RBM20: variants seen among roughly 807,000 people sequenced by gnomAD.
RBM20 encodes RNA-binding protein 20.
Under a neutral mutation model 110.1 loss-of-function variants are expected in RBM20, and 51 were observed. The ratio of observed to expected loss-of-function variants is 0.46; its 90% CI spans 0.37 to 0.59. RBM20 has a LOEUF of 0.59. Among genes scored for constraint, RBM20 ranks in the 20% least tolerant of loss-of-function variants. The pLI is 0.00. For synonymous variants in RBM20, 589 were observed against 618.2 expected (o/e 0.95, Z 0.70); for missense variants, 1,512 against 1,574.9 (o/e 0.96, Z 0.68).
intron 1 of RBM20, among the ~76,000 whole-genome samples, chr10:110,766,231 G>A (rs1442742381): frequency 6.6e-6 from 1 of 152,206 alleles, no homozygotes; most frequent in Non-Finnish European, 1.5e-5. Flanking sequence ...TATCTAGAAT[G>A]GCACATGCAA....
intron 9 of RBM20, among the ~76,000 whole-genome samples, chr10:110,817,475 G>A (rs537113021): frequency 2.0e-5 from 3 of 152,208 alleles, no homozygotes; most frequent in South Asian, 2.1e-4. Flanking sequence ...CTTGTTATTC[G>A]CCCCACCCCC....
chr10:110,716,866 G>A (rs1455165361), intron 1 of RBM20, among the ~76,000 whole-genome samples: 2 of 149,720 alleles, frequency 1.3e-5, no homozygotes, highest in Admixed American at 6.7e-5. Flanking sequence ...GCAGTGAGCC[G>A]AGATCGTGCC....
At chr10:110,825,384 A>G (rs1467923286) in intron 12 of RBM20, among the ~76,000 whole-genome samples, 3 of 152,212 alleles carry the variant, frequency 2.0e-5, no homozygotes, top group Admixed American at 6.5e-5. Context: ...GTGTTTTACT[A>G]CTGTTTTTCA....
chr10:110,686,247 T>C (rs749896812), intron 1 of RBM20, among the ~76,000 whole-genome samples: 3 of 152,160 alleles, frequency 2.0e-5, no homozygotes, highest in Non-Finnish European at 4.4e-5. Context: ...AGATCTTACT[T>C]TCCTTACTCT....
At chr10:110,661,938 G>C (rs138584975) in intron 1 of RBM20, among the ~76,000 whole-genome samples, 5 of 151,890 alleles carry the variant, frequency 3.3e-5, no homozygotes, top group Non-Finnish European at 7.4e-5. Flanking sequence ...TTGAACCCAG[G>C]AGGCGGAAGC....
At chr10:110,651,638 G>A (rs1036834808) in intron 1 of RBM20, among the ~76,000 whole-genome samples, 1 of 152,162 alleles carries the variant, frequency 6.6e-6, no homozygotes, top group Non-Finnish European at 1.5e-5. Flanking sequence ...GTAAACATAG[G>A]ACCCACAAAC....
chr10:110,647,243 C>T (rs1861882011), intron 1 of RBM20, among the ~76,000 whole-genome samples: 1 of 152,172 alleles, frequency 6.6e-6, no homozygotes, highest in Non-Finnish European at 1.5e-5. Flanking sequence ...AAGATAAACA[C>T]ATGAAGCGTG....
At chr10:110,701,166 G>A (rs989833690) in intron 1 of RBM20, among the ~76,000 whole-genome samples, 1 of 152,304 alleles carries the variant, frequency 6.6e-6, no homozygotes, top group African/African-American at 2.4e-5. Context: ...ATACCTGTGT[G>A]AGCCGGGGGT....
Position 110,790,778 on chromosome 10 carries a change from C to A in RBM20, c.1527+5889C>A, listed in dbSNP as rs151050164. ...TTGTGTAACTTCATTTTTGTATTTA[C>A]CTTAATTTATCAAGTCTGCGATTGA... On this transcript the variant is annotated intron_variant, in intron 5 of 13. Transcript: ENST00000369519. Among the ~76,000 whole-genome samples the A allele has an allele frequency of 6.1e-3, 935 of 152,114 alleles. 3 individuals are homozygous for A. Among genetic ancestry groups the A allele is most frequent in the Non-Finnish European group, 0.011 (723 of 68,004 alleles).
chr10:110,775,275 C>T (rs1463125264), intron 1 of RBM20, among the ~76,000 whole-genome samples: 2 of 152,242 alleles, frequency 1.3e-5, no homozygotes, highest in Non-Finnish European at 2.9e-5. Flanking sequence ...AGAAATGGCG[C>T]ATTCACCACT....
intron 1 of RBM20, among the ~76,000 whole-genome samples, chr10:110,705,109 G>T (rs1547785): frequency 8.0e-4 from 122 of 152,310 alleles, no homozygotes; most frequent in African/African-American, 2.9e-3. Flanking sequence ...CCAAGTCACA[G>T]AGTGGTTTTC....
intron 1 of RBM20, among the ~76,000 whole-genome samples, chr10:110,684,843 CAGATGT>C (rs2134866017): frequency 6.6e-6 from 1 of 152,266 alleles, no homozygotes; most frequent in South Asian, 2.1e-4. Flanking sequence ...AGTTATGAGT[CAGATGT>C]AGACCTCTTG....
intron 1 of RBM20, among the ~76,000 whole-genome samples, chr10:110,763,751 C>CCTTTTTTT (rs1554896903): frequency 6.2e-5 from 4 of 64,394 alleles, no homozygotes; most frequent in African/African-American, 1.3e-4. Context: ...GGCTTCTTGG[C>CCTTTTTTT]TTTTTTTTTT....
intron 5 of RBM20, among the ~76,000 whole-genome samples, chr10:110,788,061 A>G (rs536607404): frequency 1.5e-4 from 23 of 152,254 alleles, no homozygotes; most frequent in African/African-American, 5.5e-4. Context: ...ATATGAGGCC[A>G]CATAGCTGGT....
intron 7 of RBM20, among the ~76,000 whole-genome samples, chr10:110,801,029 G>T (rs1264921603): frequency 2.0e-5 from 3 of 152,172 alleles, no homozygotes; most frequent in Non-Finnish European, 4.4e-5. Context: ...ACATAACTAA[G>T]ATTGAGATAG....
chr10:110,811,381 A>G (rs1760927336), intron 8 of RBM20, among the ~76,000 whole-genome samples: 1 of 152,256 alleles, frequency 6.6e-6, no homozygotes, highest in South Asian at 2.1e-4. Context: ...AACAGCCTTC[A>G]GAGTGTATCT....
At chr10:110,728,930 C>T (rs948030423) in intron 1 of RBM20, among the ~76,000 whole-genome samples, 2 of 152,172 alleles carry the variant, frequency 1.3e-5, no homozygotes, top group Non-Finnish European at 2.9e-5. Flanking sequence ...AGATCTGGTC[C>T]CTGTCACACC....
chr10:110,714,814 G>T (rs1341054), intron 1 of RBM20, among the ~76,000 whole-genome samples: 64,819 of 152,048 alleles, frequency 0.43, 14,577 homozygotes, highest in East Asian at 0.86. Context: ...AGACCCAGCA[G>T]CTCAGGGTGG....
chr10:110,710,737 C>T (rs1025004743), intron 1 of RBM20, among the ~76,000 whole-genome samples: 10 of 152,214 alleles, frequency 6.6e-5, no homozygotes, highest in East Asian at 3.8e-4. Context: ...CAGCTAGACA[C>T]GTGCGTCATC....
Sources: allele counts gnomAD v4.1 joint callset (sites outside exome capture counted in the v4.1 genomes callset), GRCh38; gene constraint gnomAD v4.1.1; transcripts MANE v1.5; gene names NCBI Gene and HGNC (gene_info 2026-07-23, HGNC 2026-07-21).